PRR16: variants seen among roughly 807,000 people sequenced by gnomAD.
The protein encoded by PRR16 is protein Largen.
A neutral mutation model predicts 18.2 loss-of-function variants in PRR16; 6 were observed. The observed-to-expected ratio is 0.33, with a 90% CI of 0.18 to 0.65. PRR16 has a LOEUF of 0.65. Ranked by LOEUF, PRR16 falls within the 30% of genes least tolerant of loss-of-function variation. The pLI, the probability that PRR16 is intolerant of heterozygous loss-of-function variation, is 0.74. For synonymous variants in PRR16, 151 were observed against 147.8 expected (o/e 1.02, Z -0.16); for missense variants, 412 against 376.6 (o/e 1.09, Z -0.78).
At chr5:120,586,170 T>TC (rs1554085534) in intron 1 of PRR16, among the ~76,000 whole-genome samples, 1 of 112,274 alleles carries the variant, frequency 8.9e-6, no homozygotes. Flanking sequence ...AGACTCCATC[T>TC]CAAAAAAAAA....
intron 1 of PRR16, among the ~76,000 whole-genome samples, chr5:120,572,375 A>T (rs750264994): frequency 6.6e-6 from 1 of 152,198 alleles, no homozygotes; most frequent in Non-Finnish European, 1.5e-5. Context: ...TAGATGTAGC[A>T]CTTGAGGGTA....
intron 1 of PRR16, among the ~76,000 whole-genome samples, chr5:120,490,659 G>C (rs1302534605): frequency 6.6e-6 from 1 of 152,322 alleles, no homozygotes; most frequent in East Asian, 1.9e-4. Flanking sequence ...ACCTGTCAAA[G>C]TCATTCTCTG....
intron 1 of PRR16, among the ~76,000 whole-genome samples, chr5:120,585,610 T>C (rs1005040482): frequency 6.7e-6 from 1 of 149,530 alleles, no homozygotes; most frequent in African/African-American, 2.5e-5. Context: ...AGAGTGAGAC[T>C]TGGTCTAAAA....
chr5:120,760,590 T>C, the PRR16 span, among the ~76,000 whole-genome samples: 1 of 152,056 alleles, frequency 6.6e-6, no homozygotes, highest in Admixed American at 6.6e-5. Flanking sequence ...CCTTAGCATT[T>C]ACCTCTAAAG....
intron 1 of PRR16, among the ~76,000 whole-genome samples, chr5:120,588,608 T>G (rs1297146813): frequency 6.6e-6 from 1 of 152,188 alleles, no homozygotes; most frequent in Admixed American, 6.6e-5. Context: ...TGCTATTACA[T>G]ACATATAGAC....
At chr5:120,765,331 A>G in the PRR16 span, among the ~76,000 whole-genome samples, 2 of 152,032 alleles carry the variant, frequency 1.3e-5, no homozygotes, top group African/African-American at 4.8e-5. Context: ...GATGATTCAA[A>G]TGTCCCTTGG....
chr5:120,631,922 A>G (rs1755068104), intron 1 of PRR16, among the ~76,000 whole-genome samples: 1 of 152,176 alleles, frequency 6.6e-6, no homozygotes, highest in African/African-American at 2.4e-5. Flanking sequence ...GCTGGAGGCC[A>G]ACCAACACAA....
At chr5:120,515,637 A>G (rs991735162) in intron 1 of PRR16, among the ~76,000 whole-genome samples, 3 of 152,156 alleles carry the variant, frequency 2.0e-5, no homozygotes, top group African/African-American at 7.2e-5. Flanking sequence ...ACTCACTGAA[A>G]AAAACCCAGA....
chr5:120,649,348 A>G (rs1336966042), intron 1 of PRR16, among the ~76,000 whole-genome samples: 1 of 152,174 alleles, frequency 6.6e-6, no homozygotes, highest in Non-Finnish European at 1.5e-5. Context: ...AGTGTATGAC[A>G]GTCAAGGAAG....
intron 1 of PRR16, among the ~76,000 whole-genome samples, chr5:120,545,370 A>G (rs893277572): frequency 2.0e-5 from 3 of 152,128 alleles, no homozygotes; most frequent in Non-Finnish European, 4.4e-5. Context: ...AGTGTTCTCT[A>G]CATAATGTCA....
intron 1 of PRR16, among the ~76,000 whole-genome samples, chr5:120,535,346 ATTTAC>A (rs1378857857): frequency 1.7e-4 from 26 of 152,302 alleles, no homozygotes; most frequent in African/African-American, 6.0e-4. Flanking sequence ...TATTTTACCA[ATTTAC>A]TTTATTCTTT....
At chr5:120,475,704 T>C (rs1427063324) in intron 1 of PRR16, among the ~76,000 whole-genome samples, 1 of 152,068 alleles carries the variant, frequency 6.6e-6, no homozygotes. Context: ...GCTACTGCAT[T>C]CAAGCCTGGG....
chr5:120,486,918 T>G (rs1368644465), intron 1 of PRR16, among the ~76,000 whole-genome samples: 8 of 152,204 alleles, frequency 5.3e-5, no homozygotes, highest in East Asian at 1.9e-4. Context: ...TTTCCCCATT[T>G]CCTGTTTTTG....
chr5:120,492,458 A>G (rs1750092157), intron 1 of PRR16, among the ~76,000 whole-genome samples: 1 of 151,986 alleles, frequency 6.6e-6, no homozygotes, highest in African/African-American at 2.4e-5. Flanking sequence ...TCCAAGGATA[A>G]TTTTTGTAAC....
intron 1 of PRR16, among the ~76,000 whole-genome samples, chr5:120,621,578 A>G (rs1348634633): frequency 6.6e-6 from 1 of 152,088 alleles, no homozygotes; most frequent in Non-Finnish European, 1.5e-5. Flanking sequence ...TAATCCCCGT[A>G]ATCCACATGT....
At chr5:120,730,539 G>A in the PRR16 span, among the ~76,000 whole-genome samples, 7 of 152,170 alleles carry the variant, frequency 4.6e-5, no homozygotes, top group Admixed American at 2.0e-4. Flanking sequence ...ATGAAGAGGA[G>A]CAGTGGACCA....
intron 1 of PRR16, among the ~76,000 whole-genome samples, chr5:120,680,105 T>C (rs1458472250): frequency 3.3e-5 from 5 of 152,152 alleles, no homozygotes; most frequent in Non-Finnish European, 1.5e-5. Context: ...CATGTGTACC[T>C]TAAATATCCA....
intron 1 of PRR16, among the ~76,000 whole-genome samples, chr5:120,479,095 T>C (rs906801101): frequency 1.3e-5 from 2 of 152,084 alleles, no homozygotes; most frequent in Non-Finnish European, 2.9e-5. Context: ...AAAATATGGG[T>C]ACTTATAATC....
At chr5:120,573,934 A>G (rs780616672) in intron 1 of PRR16, among the ~76,000 whole-genome samples, 1 of 152,094 alleles carries the variant, frequency 6.6e-6, no homozygotes, top group Non-Finnish European at 1.5e-5. Flanking sequence ...ACCATTTAGT[A>G]TAGCAAAAAT....
Sources: gnomAD v4.1 joint callset for allele counts (sites outside exome capture counted in the v4.1 genomes callset) on GRCh38, gnomAD v4.1.1 for gene constraint, MANE v1.5 for transcripts, NCBI Gene and HGNC (gene_info 2026-07-23, HGNC 2026-07-21) for gene names.